Variants in KIRREL3 observed in about 807,000 individuals in gnomAD.
KIRREL3 encodes the protein kirre like nephrin family adhesion molecule 3.
In KIRREL3, 36 loss-of-function variants were observed where a neutral mutation model predicts 89.7. The ratio of observed to expected loss-of-function variants is 0.40; its 90% CI spans 0.31 to 0.53. The LOEUF (loss-of-function observed/expected upper bound fraction) is 0.53, where lower values mean the gene tolerates loss of function less well. Ranked by LOEUF, KIRREL3 falls within the 20% of genes least tolerant of loss-of-function variation. The probability of loss-of-function intolerance (pLI) is 0.49; values close to 1 mark genes in which losing one functional copy is unlikely to be tolerated. For missense variants in KIRREL3, 864 were observed against 1,056.6 expected, an observed-to-expected ratio of 0.82 and a Z score of 2.53; for synonymous variants, 445 against 441.4, an observed-to-expected ratio of 1.01 and a Z score of -0.10.
Position 126,456,370 on chromosome 11 carries a change from T to C in KIRREL3, c.827A>G (p.Asn276Ser). ...VVTFHCSAKANPAVTQYRWAK... is the reference protein window; with the variant it reads ...VVTFHCSAKASPAVTQYRWAK... Reference sequence around the variant, plus strand: ...TCACCTGTACTGGGTGACAGCTGGGTTGGCCTTTGCAGAGCAGTGGAAAGT... The same window carrying C: ...TCACCTGTACTGGGTGACAGCTGGGCTGGCCTTTGCAGAGCAGTGGAAAGT... Residue 276 changes from asparagine (N) to serine (S), a missense_variant, in exon 7 of 17, where the codon AAC becomes AGC. By Grantham distance (46) the Asn-to-Ser change is conservative (BLOSUM62 1). Coordinates refer to ENST00000525144, the MANE Select transcript of KIRREL3 (RefSeq NM_032531.4). 1 of 1,588,608 alleles carries C rather than the reference T, an allele frequency of 6.3e-7. No individual in the cohort carries two copies. The highest frequency in any genetic ancestry group is 8.6e-7 in the Non-Finnish European group (1 of 1,167,668).
chr11:126,500,612 C>A (rs1017460766), intron 4 of KIRREL3, among the ~76,000 whole-genome samples: 2 of 151,940 alleles, frequency 1.3e-5, no homozygotes, highest in African/African-American at 4.8e-5. Context: ...TGGTGGCGGG[C>A]ACCTGTAATC....
chr11:126,624,563 G>A lies in KIRREL3; in HGVS notation c.56-61651C>T, dbSNP rs1464938809. ...TCCCGGTGCCTTCCCAGTGTGCTTG[G>A]AACACTCTACTGTGTTATTCACCTG... On this transcript the variant is annotated intron_variant, in intron 1 of 16. Transcript: ENST00000525144. The surrounding 1 kb of genome is among the most constrained non-coding windows in gnomAD (Gnocchi z 6.0). Among the ~76,000 whole-genome samples, 2 of 152,174 alleles carry A rather than the reference G, an allele frequency of 1.3e-5. No individual in the cohort carries two copies. The highest frequency in any genetic ancestry group is 3.9e-4 in the East Asian group (2 of 5,186).
chr11:126,460,597 G>A (rs543403892), intron 6 of KIRREL3, among the ~76,000 whole-genome samples: 21 of 152,284 alleles, frequency 1.4e-4, no homozygotes, highest in Admixed American at 1.0e-3. Context: ...TCATTCTGAC[G>A]CCTCCTAAGG....
chr11:126,506,413 T>C (rs1025315727), intron 4 of KIRREL3, among the ~76,000 whole-genome samples: 26 of 152,176 alleles, frequency 1.7e-4, no homozygotes, highest in African/African-American at 5.8e-4. Flanking sequence ...GTAAGACAAA[T>C]GATTCTATTT....
chr11:126,861,936 CTTTCCCA>C (rs1280315450), intron 1 of KIRREL3, among the ~76,000 whole-genome samples: 1 of 152,202 alleles, frequency 6.6e-6, no homozygotes, highest in Non-Finnish European at 1.5e-5. Flanking sequence ...GTCTCTAAAC[CTTTCCCA>C]TCAGACCAGT....
In KIRREL3 at chr11:126,571,392, C is replaced by G. The variant is rs1233736977; in HGVS notation, c.56-8480G>C. On this transcript the variant is annotated intron_variant, in intron 1 of 16. Transcript: ENST00000525144. This position sits in a 1 kb window ranked among gnomAD's most constrained non-coding sequence, Gnocchi z 7.7. Reference sequence around the variant, plus strand: ...TCCTCTGTACACTGAAAGTGGGACACTGGTTACTATCTTTGGGGGCTGGGT... The same window carrying G: ...TCCTCTGTACACTGAAAGTGGGACAGTGGTTACTATCTTTGGGGGCTGGGT... 6.6e-6 allele frequency among the ~76,000 whole-genome samples: 1 copy of G among 152,208 alleles called. No homozygotes were observed. The highest frequency in any genetic ancestry group is 2.4e-5 in the African/African-American group (1 of 41,456).
intron 1 of KIRREL3, among the ~76,000 whole-genome samples, chr11:126,727,738 A>G (rs914166333): frequency 3.3e-5 from 5 of 152,172 alleles, no homozygotes; most frequent in African/African-American, 9.7e-5. Context: ...AGCTCCATCC[A>G]TTTTCACAAT....
rs1940228965 is a variant in KIRREL3, at chr11:126,562,837, T to C, written c.131A>G (p.Glu44Gly). 10 of 1,613,422 alleles carry C rather than the reference T, an allele frequency of 6.2e-6. No homozygotes were observed. The highest frequency in any genetic ancestry group is 8.5e-6 in the Non-Finnish European group (10 of 1,179,480). Residue 44 changes from glutamate (E) to glycine (G), a missense_variant and splice_region_variant, in exon 2 of 17, where the codon GAA becomes GGA. By Grantham distance (98) the Glu-to-Gly change is moderately conservative. Transcript: ENST00000525144. The surrounding 1 kb of genome is among the most constrained non-coding windows in gnomAD (Gnocchi z 4.7). ...ACAATGGGGAGGTTCTCACTGACCT[T>C]CATTCATTCTCCGAAACTTGTCCTT... is the stretch of plus-strand genomic sequence containing the variant. ...MAKDKFRRMN[E>G]GQVYSFSQQP...
At chr11:126,619,731 T>C (rs1943501380) in intron 1 of KIRREL3, among the ~76,000 whole-genome samples, 1 of 152,210 alleles carries the variant, frequency 6.6e-6, no homozygotes, top group Non-Finnish European at 1.5e-5. Flanking sequence ...CACAGCATGC[T>C]GACCACCTGC....
At chr11:126,546,211 C>A (rs1311048282) in intron 2 of KIRREL3, among the ~76,000 whole-genome samples, 1 of 152,202 alleles carries the variant, frequency 6.6e-6, no homozygotes, top group Non-Finnish European at 1.5e-5. Flanking sequence ...ATTACAAAAC[C>A]CTCCTCCAAA....
rs879831516 is a variant in KIRREL3 at position 126,704,971 on chromosome 11, C to T, written c.56-142059G>A. 6.6e-6 allele frequency among the ~76,000 whole-genome samples: 1 copy of T among 152,172 alleles called. No individual in the cohort carries two copies. The highest frequency in any genetic ancestry group is 1.5e-5 in the Non-Finnish European group (1 of 68,040). On this transcript the variant is annotated intron_variant, in intron 1 of 16. Coordinates refer to ENST00000525144, the MANE Select transcript of KIRREL3 (RefSeq NM_032531.4). This position sits in a 1 kb window ranked among gnomAD's most constrained non-coding sequence, Gnocchi z 4.2. ...CAGCCAGCTCTAGGCAGCTCCAGAG[C>T]TGTATGACAGGAGTGGGAGGACTCT...
In KIRREL3 at chr11:126,508,116, A is replaced by G. The variant is rs1958086647; in HGVS notation, c.433+13199T>C. ...CCTGCACCACTGAAGCTGCTGGGTG[A>G]TCTCTCAGCTGCTAACATTGTTTCT... On this transcript the variant is annotated intron_variant, in intron 4 of 16. Transcript: ENST00000525144. This position sits in a 1 kb window ranked among gnomAD's most constrained non-coding sequence, Gnocchi z 4.9. Among the ~76,000 whole-genome samples, 1 of 152,116 alleles carries G rather than the reference A, an allele frequency of 6.6e-6. No homozygotes were observed. Among genetic ancestry groups the G allele is most frequent in the African/African-American group, 2.4e-5 (1 of 41,416 alleles).
At chr11:126,913,410 A>C (rs1946904062) in intron 1 of KIRREL3, among the ~76,000 whole-genome samples, 1 of 152,178 alleles carries the variant, frequency 6.6e-6, no homozygotes, top group Non-Finnish European at 1.5e-5. Context: ...AGGATTGCTG[A>C]AGGGTGTCTG....
chr11:126,695,127 G>C (rs1349411584), intron 1 of KIRREL3, among the ~76,000 whole-genome samples: 1 of 152,186 alleles, frequency 6.6e-6, no homozygotes, highest in African/African-American at 2.4e-5. Flanking sequence ...CTATGAAAGA[G>C]ACCGTGGGGC....
intron 2 of KIRREL3, among the ~76,000 whole-genome samples, chr11:126,534,661 G>A (rs558506927): frequency 4.4e-4 from 67 of 152,264 alleles, no homozygotes; most frequent in African/African-American, 1.4e-3. Flanking sequence ...CATCTGTCCC[G>A]GGGGCCCTTT....
Position 126,844,166 on chromosome 11 carries a change from C to G in KIRREL3, c.55+156289G>C, listed in dbSNP as rs568298853. 6.6e-6 allele frequency among the ~76,000 whole-genome samples: 1 copy of G among 152,142 alleles called. No individual in the cohort carries two copies. Among genetic ancestry groups the G allele is most frequent in the Admixed American group, 6.5e-5 (1 of 15,278 alleles). ...CCCAGGTGGGACAATAGTGAGGAAACCCCCAATCCAAAGGCTAACTTTGGG... is the reference window on the plus strand; with the variant it reads ...CCCAGGTGGGACAATAGTGAGGAAAGCCCCAATCCAAAGGCTAACTTTGGG... On this transcript the variant is annotated intron_variant, in intron 1 of 16. Coordinates refer to ENST00000525144, the MANE Select transcript of KIRREL3 (RefSeq NM_032531.4). This position sits in a 1 kb window ranked among gnomAD's most constrained non-coding sequence, Gnocchi z 4.8.
intron 1 of KIRREL3, among the ~76,000 whole-genome samples, chr11:126,907,768 C>A (rs915587126): frequency 6.6e-6 from 1 of 152,122 alleles, no homozygotes; most frequent in Non-Finnish European, 1.5e-5. Flanking sequence ...CGGGCCCCTG[C>A]TGCCCTGCAA....
chr11:126,989,401 G>A lies in KIRREL3; in HGVS notation c.55+11054C>T, dbSNP rs1168953431. Reference sequence around the variant, plus strand: ...GGCAAGGGACTCTGATGGTGAGTCAGCTGAGGGAAGCTGCTGGGGTCTCAG... The same window carrying A: ...GGCAAGGGACTCTGATGGTGAGTCAACTGAGGGAAGCTGCTGGGGTCTCAG... On this transcript the variant is annotated intron_variant, in intron 1 of 16. Coordinates refer to ENST00000525144, the MANE Select transcript of KIRREL3 (RefSeq NM_032531.4). This position sits in a 1 kb window ranked among gnomAD's most constrained non-coding sequence, Gnocchi z 6.2. 1.3e-5 allele frequency among the ~76,000 whole-genome samples: 2 copies of A among 152,134 alleles called. No individual in the cohort carries two copies. The highest frequency in any genetic ancestry group is 2.9e-5 in the Non-Finnish European group (2 of 68,032).
chr11:126,678,153 C>T (rs1470295710), intron 1 of KIRREL3, among the ~76,000 whole-genome samples: 1 of 152,156 alleles, frequency 6.6e-6, no homozygotes, highest in Non-Finnish European at 1.5e-5. Context: ...AACTTGGTTA[C>T]CTTAATAGTC....
Sources: allele counts gnomAD v4.1 joint callset (sites outside exome capture counted in the v4.1 genomes callset), GRCh38; gene constraint gnomAD v4.1.1; non-coding constraint Gnocchi (gnomAD v3.1); transcripts MANE v1.5; gene names NCBI Gene and HGNC (gene_info 2026-07-23, HGNC 2026-07-21).